The following ARL15 variants were observed in gnomAD, a reference collection of about 807,000 sequenced individuals.
ARL15 encodes the protein ARF like GTPase 15, also known as ADP-ribosylation factor-like protein 15.
Under a neutral mutation model 25.2 loss-of-function variants are expected in ARL15, and 19 were observed. That is an observed-to-expected ratio of 0.75 (90% CI 0.53 to 1.10). The LOEUF is 1.10. Ranked by LOEUF, ARL15 falls within the 50% of genes least tolerant of loss-of-function variation. The pLI is 0.00. For missense variants in ARL15, 220 were observed against 246.0 expected (o/e 0.89, Z 0.71); for synonymous variants, 94 against 86.8 (o/e 1.08, Z -0.46).
intron 4 of ARL15, among the ~76,000 whole-genome samples, chr5:54,002,337 G>A (rs984514452): frequency 1.3e-5 from 2 of 152,194 alleles, no homozygotes. Context: ...AGAGGCAAAG[G>A]AAGTGACCTA....
intron 1 of ARL15, among the ~76,000 whole-genome samples, chr5:54,247,556 A>G (rs1420875010): frequency 6.6e-6 from 1 of 151,980 alleles, no homozygotes; most frequent in Non-Finnish European, 1.5e-5. Context: ...TCCAAAACAC[A>G]AAGAATGGGA....
rs1754465268 is a variant in ARL15, at chr5:54,163,355, G to GTTTT, written c.193+8428_193+8429insAAAA. On this transcript the variant is annotated intron_variant, in intron 2 of 4. Coordinates refer to ENST00000504924, the MANE Select transcript of ARL15 (RefSeq NM_019087.3). ...TGTCCATGAGGGCTATTGGTATGAAGCTTTTTTTTTTTTTTTTTTTTTTTT... is the reference window on the plus strand; with the variant it reads ...TGTCCATGAGGGCTATTGGTATGAAGTTTTCTTTTTTTTTTTTTTTTTTTTTTTT... Among the ~76,000 whole-genome samples the GTTTT allele has an allele frequency of 6.8e-4, 35 of 51,346 alleles. 6 individuals are homozygous for GTTTT. Among genetic ancestry groups the GTTTT allele is most frequent in the East Asian group, 5.6e-3 (6 of 1,076 alleles). 33.7% of individuals were successfully genotyped at this position (51,346 alleles called of 152,430 possible).
chr5:54,165,736 G>GC, intron 2 of ARL15, among the ~76,000 whole-genome samples: 1 of 112,792 alleles, frequency 8.9e-6, no homozygotes, highest in African/African-American at 3.5e-5. Flanking sequence ...ATATACCTTT[G>GC]TTTATATATA....
At chr5:54,248,657 T>C (rs911797082) in intron 1 of ARL15, among the ~76,000 whole-genome samples, 3 of 152,218 alleles carry the variant, frequency 2.0e-5, no homozygotes, top group Non-Finnish European at 4.4e-5. Context: ...CGAATGTAAG[T>C]TCCATGAAGG....
chr5:54,106,614 T>C (rs1033510483), intron 4 of ARL15, among the ~76,000 whole-genome samples: 1 of 152,184 alleles, frequency 6.6e-6, no homozygotes, highest in Non-Finnish European at 1.5e-5. Context: ...GCTACGTATA[T>C]AGTTGTTATA....
chr5:54,060,063 T>C (rs1282804514), intron 4 of ARL15, among the ~76,000 whole-genome samples: 1 of 146,344 alleles, frequency 6.8e-6, no homozygotes, highest in East Asian at 2.0e-4. Flanking sequence ...GGTGACTGAA[T>C]TATGGGGACT....
At chr5:54,055,080 G>A (rs35260392) in intron 4 of ARL15, among the ~76,000 whole-genome samples, 15,705 of 152,072 alleles carry the variant, frequency 0.1, 1,015 homozygotes, top group South Asian at 0.18. Context: ...GACCATCACC[G>A]TAATCAATTT....
intron 1 of ARL15, among the ~76,000 whole-genome samples, chr5:54,236,407 G>GACACACACACACACAC (rs72439978): frequency 7.1e-6 from 1 of 140,644 alleles, no homozygotes; most frequent in African/African-American, 2.6e-5. Flanking sequence ...ACTAAACACA[G>GACACACACACACACAC]ACACACACAC....
intron 1 of ARL15, among the ~76,000 whole-genome samples, chr5:54,178,818 ATGGCTCTGTCTTT>A (rs1298813809): frequency 1.3e-5 from 2 of 152,338 alleles, no homozygotes; most frequent in East Asian, 3.9e-4. Flanking sequence ...ACAGTCAGTT[ATGGCTCTGTCTTT>A]TGAAAATGTA....
chr5:53,915,402 G>A (rs1027603608), intron 4 of ARL15, among the ~76,000 whole-genome samples: 16 of 152,216 alleles, frequency 1.1e-4, no homozygotes, highest in Admixed American at 8.5e-4. Context: ...AACAAGGTAT[G>A]TATAAAAATG....
chr5:54,011,229 T>TAG (rs2111783354), intron 4 of ARL15, among the ~76,000 whole-genome samples: 1 of 133,790 alleles, frequency 7.5e-6, no homozygotes, highest in African/African-American at 2.9e-5. Context: ...ACTGTGAATA[T>TAG]CCAGAGTTCT....
chr5:54,059,935 T>C (rs1464848071), intron 4 of ARL15, among the ~76,000 whole-genome samples: 1 of 152,102 alleles, frequency 6.6e-6, no homozygotes, highest in Non-Finnish European at 1.5e-5. Flanking sequence ...AAAGGAACAC[T>C]GGACCCTTGG....
intron 4 of ARL15, among the ~76,000 whole-genome samples, chr5:53,936,085 A>C (rs1264835981): frequency 6.6e-6 from 1 of 152,050 alleles, no homozygotes; most frequent in Non-Finnish European, 1.5e-5. Context: ...AGAAAAAGGA[A>C]AAAAAAGAAA....
At chr5:53,994,604 A>G (rs1470718501) in intron 4 of ARL15, among the ~76,000 whole-genome samples, 1 of 152,204 alleles carries the variant, frequency 6.6e-6, no homozygotes, top group Non-Finnish European at 1.5e-5. Context: ...ACATGAGGAA[A>G]ATGAAATTGT....
At chr5:54,211,715 G>A (rs1756048084) in intron 1 of ARL15, among the ~76,000 whole-genome samples, 1 of 151,904 alleles carries the variant, frequency 6.6e-6, no homozygotes, top group South Asian at 2.1e-4. Flanking sequence ...CAGGTGATCC[G>A]ACCGCCTCAG....
chr5:54,207,222 A>T (rs1755895795), intron 1 of ARL15, among the ~76,000 whole-genome samples: 1 of 152,242 alleles, frequency 6.6e-6, no homozygotes, highest in African/African-American at 2.4e-5. Flanking sequence ...CCCTTTCAAT[A>T]TACAAATGTA....
At chr5:54,242,166 C>T (rs1269639427) in intron 1 of ARL15, among the ~76,000 whole-genome samples, 1 of 151,976 alleles carries the variant, frequency 6.6e-6, no homozygotes, top group African/African-American at 2.4e-5. Context: ...CACGTACACA[C>T]ACGCACACAC....
At chr5:53,991,949 C>G (rs1748516805) in intron 4 of ARL15, among the ~76,000 whole-genome samples, 1 of 152,160 alleles carries the variant, frequency 6.6e-6, no homozygotes, top group Non-Finnish European at 1.5e-5. Context: ...TTATTTCATT[C>G]TTAACCACAA....
At chr5:53,984,086 T>A (rs1422557765) in intron 4 of ARL15, among the ~76,000 whole-genome samples, 1 of 152,200 alleles carries the variant, frequency 6.6e-6, no homozygotes, top group Non-Finnish European at 1.5e-5. Context: ...CCCTGGATAT[T>A]AAGGGAAAAT....
Sources: allele counts gnomAD v4.1 joint callset (sites outside exome capture counted in the v4.1 genomes callset), GRCh38; gene constraint gnomAD v4.1.1; transcripts MANE v1.5; gene names NCBI Gene and HGNC (gene_info 2026-07-23, HGNC 2026-07-21).